ST3GAL4: variants seen among roughly 807,000 people sequenced by gnomAD.
The protein encoded by ST3GAL4 is CMP-N-acetylneuraminate-beta-galactosamide-alpha-2,3-sialyltransferase 4.
In ST3GAL4, 24 loss-of-function variants were observed where a neutral mutation model predicts 42.6. The observed-to-expected ratio is 0.56, with a 90% CI of 0.41 to 0.79. The LOEUF is 0.79. Ranked by LOEUF, ST3GAL4 falls within the 30% of genes least tolerant of loss-of-function variation. The probability of loss-of-function intolerance (pLI) is 0.00; values close to 1 mark genes in which losing one functional copy is unlikely to be tolerated. For missense variants in ST3GAL4, 311 were observed against 430.8 expected, an observed-to-expected ratio of 0.72 and a Z score of 2.46; for synonymous variants, 135 against 163.2, an observed-to-expected ratio of 0.83 and a Z score of 1.32.
chr11:126,371,412 C>T (rs138287489), intron 1 of ST3GAL4, among the ~76,000 whole-genome samples: 177 of 152,128 alleles, frequency 1.2e-3, no homozygotes, highest in Non-Finnish European at 2.0e-3. Flanking sequence ...ATCCGCCCAC[C>T]GTGGCCTCCC....
In ST3GAL4 at chr11:126,379,054, A is replaced by G. The variant is rs1323593219; in HGVS notation, c.-61+23212A>G. 6.6e-6 allele frequency among the ~76,000 whole-genome samples: 1 copy of G among 152,208 alleles called. No individual in the cohort carries two copies. The highest frequency in any genetic ancestry group is 1.5e-5 in the Non-Finnish European group (1 of 68,036). On this transcript the variant is annotated intron_variant, in intron 1 of 10. Transcript: ENST00000444328. The surrounding 1 kb of genome is among the most constrained non-coding windows in gnomAD (Gnocchi z 4.2). ...CCCTTTGCCTCTGTTGCTTCTTCCA[A>G]GAGCTACACTGGTTGATCATAAATA...
chr11:126,413,779 C>T, intron 10 of ST3GAL4, 131 bp downstream of exon 10: 1 of 1,440,056 alleles, frequency 6.9e-7, no homozygotes, highest in African/African-American at 1.4e-5. Flanking sequence ...ACCGAGGCAC[C>T]TGGACTCCCT....
intron 1 of ST3GAL4, among the ~76,000 whole-genome samples, chr11:126,361,325 AT>A (rs11423373): frequency 2.0e-5 from 3 of 148,430 alleles, no homozygotes; most frequent in Non-Finnish European, 3.0e-5. Context: ...TTCCACTTCA[AT>A]TTTTTTTTGA....
At chr11:126,380,123 A>G (rs73632774) in intron 1 of ST3GAL4, among the ~76,000 whole-genome samples, 50,198 of 151,788 alleles carry the variant, frequency 0.33, 9,305 homozygotes, top group African/African-American at 0.5. Context: ...TTAGCCGGGC[A>G]TGGTGACACA....
intron 1 of ST3GAL4, among the ~76,000 whole-genome samples, chr11:126,395,753 T>A (rs1953722462): frequency 6.6e-6 from 1 of 152,232 alleles, no homozygotes; most frequent in Non-Finnish European, 1.5e-5. Context: ...TTTTTTCTTC[T>A]GCCATGATTG....
At chr11:126,371,837 A>G (rs1952663271) in intron 1 of ST3GAL4, among the ~76,000 whole-genome samples, 1 of 152,242 alleles carries the variant, frequency 6.6e-6, no homozygotes, top group Admixed American at 6.5e-5. Context: ...CAGCCTGACT[A>G]CATATTGTGA....
Position 126,392,245 on chromosome 11 carries a change from AAGG to A in ST3GAL4, c.-60-13848_-60-13846del, listed in dbSNP as rs1414423494. On this transcript the variant is annotated intron_variant, in intron 1 of 10. Transcript: ENST00000444328. This position sits in a 1 kb window ranked among gnomAD's most constrained non-coding sequence, Gnocchi z 5.8. ...CGTTAGGAGGAAGTAAGTAGGAAGG[AAGG>A]AGATTTCCTGGGTATTAGGGTGTCC... The A allele has an allele frequency of 7.9e-6, 7 of 890,728 alleles. No homozygotes were observed. The Admixed American group carries it at 1.9e-4, about 24-fold the overall frequency. 55.2% of individuals were successfully genotyped at this position (890,728 alleles called of 1,614,324 possible).
chr11:126,377,897 A>C (rs1952879025), intron 1 of ST3GAL4, among the ~76,000 whole-genome samples: 1 of 152,250 alleles, frequency 6.6e-6, no homozygotes, highest in African/African-American at 2.4e-5. Context: ...GTACTGCTTA[A>C]GATAATTCGA....
In ST3GAL4 at chr11:126,414,049, C is replaced by T. The variant is rs545062823; in HGVS notation, c.*2C>T. 1 of 1,614,192 alleles carries T rather than the reference C, an allele frequency of 6.2e-7. No homozygotes were observed. Among genetic ancestry groups the T allele is most frequent in the African/African-American group, 1.3e-5 (1 of 75,066 alleles). On this transcript the variant is annotated 3_prime_UTR_variant, in exon 11 of 11. Coordinates refer to ENST00000444328, the MANE Select transcript of ST3GAL4 (RefSeq NM_001254757.2). ...ATCAAGAACCTCACGTCCTTCTGAC[C>T]TGGGCAAGAGCTGTAGCCTGTCGGT...
In ST3GAL4 at chr11:126,390,573, C is replaced by G. The variant is rs79711148; in HGVS notation, c.-60-15523C>G. On this transcript the variant is annotated intron_variant, in intron 1 of 10. Transcript: ENST00000444328. ...CCTCAGCATCTTTTCATATGTCCACCAAGTGTTTGGGTTTAATCTGTGAAT... is the reference window on the plus strand; with the variant it reads ...CCTCAGCATCTTTTCATATGTCCACGAAGTGTTTGGGTTTAATCTGTGAAT... 4.7e-3 allele frequency among the ~76,000 whole-genome samples: 701 copies of G among 149,282 alleles called. 10 individuals carry two copies. The highest frequency in any genetic ancestry group is 0.016 in the African/African-American group (656 of 40,086).
chr11:126,395,168 C>T (rs544691669), intron 1 of ST3GAL4, among the ~76,000 whole-genome samples: 3 of 152,320 alleles, frequency 2.0e-5, no homozygotes, highest in African/African-American at 7.2e-5. Flanking sequence ...TCTGTTCCAC[C>T]TGCACTGGGG....
In ST3GAL4 at chr11:126,406,114, G is replaced by A. The variant is rs1331629293; in HGVS notation, c.-42G>A. On this transcript the variant is annotated 5_prime_UTR_variant, in exon 2 of 11. Coordinates refer to ENST00000444328, the MANE Select transcript of ST3GAL4 (RefSeq NM_001254757.2). The surrounding 1 kb of genome is among the most constrained non-coding windows in gnomAD (Gnocchi z 5.4). ...TTCCTAGGTGGCCCGAGGCAGCCGG[G>A]ATGACAGCTCTCCCCAGGAATCCTG... The A allele has an allele frequency of 6.4e-7, 1 of 1,552,024 alleles. No individual in the cohort carries two copies. The highest frequency in any genetic ancestry group is 2.0e-5 in the Admixed American group (1 of 51,080).
At chr11:126,402,092 A>C (rs57682892) in intron 1 of ST3GAL4, among the ~76,000 whole-genome samples, 16 of 139,130 alleles carry the variant, frequency 1.2e-4, no homozygotes, top group East Asian at 7.9e-4. Context: ...TTTGGGGGAA[A>C]GAGGGGAGGT....
intron 1 of ST3GAL4, among the ~76,000 whole-genome samples, chr11:126,372,398 T>G (rs949752921): frequency 6.6e-6 from 1 of 151,832 alleles, no homozygotes; most frequent in African/African-American, 2.4e-5. Flanking sequence ...AGAATTTCTT[T>G]TTTTCTTTTC....
At chr11:126,357,918 T>C (rs1382826361) in intron 1 of ST3GAL4, among the ~76,000 whole-genome samples, 1 of 152,250 alleles carries the variant, frequency 6.6e-6, no homozygotes, top group Non-Finnish European at 1.5e-5. Flanking sequence ...GGGATCCCTC[T>C]ATCTTGGACT....
Position 126,392,435 on chromosome 11 carries a change from C to T in ST3GAL4, c.-60-13661C>T, listed in dbSNP as rs1414571921. The stretch of plus-strand genomic sequence containing the variant: ...CATTTGCCTGGGGATAAAGCAGGTC[C>T]TTGTGAGCTCATCGACATGCATTTG... On this transcript the variant is annotated intron_variant, in intron 1 of 10. Coordinates refer to ENST00000444328, the MANE Select transcript of ST3GAL4 (RefSeq NM_001254757.2). The surrounding 1 kb of genome is among the most constrained non-coding windows in gnomAD (Gnocchi z 5.8). 2.2e-6 allele frequency: 2 copies of T among 926,606 alleles called. No individual in the cohort carries two copies. Among genetic ancestry groups the T allele is most frequent in the African/African-American group, 3.6e-5 (2 of 56,020 alleles). The allele number at this position is 926,606 out of a possible 1,614,324, so 57.4% of individuals were successfully genotyped here.
In ST3GAL4 at chr11:126,376,974, A is replaced by AG. The variant is rs771329329; in HGVS notation, c.-61+21138dup. 6.6e-6 allele frequency: 1 copy of AG among 152,222 alleles called. No homozygotes were observed. The highest frequency in any genetic ancestry group is 6.5e-5 in the Admixed American group (1 of 15,284). 9.4% of individuals were successfully genotyped at this position (152,222 alleles called of 1,614,324 possible). A position where few individuals can be genotyped will look rare whatever the true frequency, so the allele number is the denominator to read the frequency against. On this transcript the variant is annotated intron_variant, in intron 1 of 10. Transcript: ENST00000444328. This position sits in a 1 kb window ranked among gnomAD's most constrained non-coding sequence, Gnocchi z 5.1. Reference sequence around the variant, plus strand: ...AACCCTTGAGAGAATACAAGGCACCAGGGGGGTAAACATAATAATTATAAG... The same window carrying AG: ...AACCCTTGAGAGAATACAAGGCACCAGGGGGGGTAAACATAATAATTATAAG...
At position 126,396,798 on chromosome 11, in the gene ST3GAL4, G is replaced by C. The variant is rs113756944; in HGVS notation, c.-60-9298G>C. Among the ~76,000 whole-genome samples, 276 of 151,412 alleles carry C rather than the reference G, an allele frequency of 1.8e-3. 4 individuals carry two copies. The highest frequency in any genetic ancestry group is 5.6e-3 in the African/African-American group (230 of 41,170). ...CCTCACGAGCTGTACAACCTGGGCCGGTTACTGACCCCTTTCCCACCTTAG... is the reference window on the plus strand; with the variant it reads ...CCTCACGAGCTGTACAACCTGGGCCCGTTACTGACCCCTTTCCCACCTTAG... On this transcript the variant is annotated intron_variant, in intron 1 of 10. Coordinates refer to ENST00000444328, the MANE Select transcript of ST3GAL4 (RefSeq NM_001254757.2). This position sits in a 1 kb window ranked among gnomAD's most constrained non-coding sequence, Gnocchi z 5.8.
At position 126,400,707 on chromosome 11, in the gene ST3GAL4, G is replaced by C. The variant is rs1395700956; in HGVS notation, c.-60-5389G>C. Among the ~76,000 whole-genome samples, 3 of 152,186 alleles carry C rather than the reference G, an allele frequency of 2.0e-5. No individual in the cohort carries two copies. The highest frequency in any genetic ancestry group is 2.0e-4 in the Admixed American group (3 of 15,278). On this transcript the variant is annotated intron_variant, in intron 1 of 10. Coordinates refer to ENST00000444328, the MANE Select transcript of ST3GAL4 (RefSeq NM_001254757.2). This position sits in a 1 kb window ranked among gnomAD's most constrained non-coding sequence, Gnocchi z 4.6. ...TGGCAGTTTCGAAGAAGGGGCATGA[G>C]TGAGGAAACAGTTGTGGTGAAGAGA...
Sources: allele counts gnomAD v4.1 joint callset (sites outside exome capture counted in the v4.1 genomes callset), GRCh38; gene constraint gnomAD v4.1.1; non-coding constraint Gnocchi (gnomAD v3.1); transcripts MANE v1.5; gene names NCBI Gene and HGNC (gene_info 2026-07-23, HGNC 2026-07-21).